Variants in SPOP observed in about 807,000 individuals in gnomAD.
The protein encoded by SPOP is speckle-type POZ protein.
A neutral mutation model predicts 45.6 loss-of-function variants in SPOP; 11 were observed. That is an observed-to-expected ratio of 0.24 (90% CI 0.15 to 0.40). The LOEUF is 0.40. SPOP is among the 10% of genes least tolerant of loss of function. The pLI, the probability that SPOP is intolerant of heterozygous loss-of-function variation, is 1.00. For missense variants in SPOP, 152 were observed against 465.6 expected, an observed-to-expected ratio of 0.33 and a Z score of 6.20; for synonymous variants, 166 against 166.3, an observed-to-expected ratio of 1.00 and a Z score of 0.01.
Position 49,599,614 on chromosome 17 carries a change from G to T in SPOP, c.*764C>A, listed in dbSNP as rs1178306820. 3 of 214,214 alleles carry T rather than the reference G, an allele frequency of 1.4e-5. No homozygotes were observed. Among genetic ancestry groups the T allele is most frequent in the Non-Finnish European group, 2.8e-5 (3 of 106,156 alleles). 13.3% of individuals were successfully genotyped at this position (214,214 alleles called of 1,614,324 possible). A position where few individuals can be genotyped will look rare whatever the true frequency, so the allele number is the denominator to read the frequency against. On this transcript the variant is annotated 3_prime_UTR_variant, in exon 10 of 10. Coordinates refer to ENST00000504102, the MANE Select transcript of SPOP (RefSeq NM_001007228.2). Reference sequence around the variant, plus strand: ...CAATATCTAAAAACAGAGAACCATAGTTCTTGTCAAGACAATATGAATTCT... The same window carrying T: ...CAATATCTAAAAACAGAGAACCATATTTCTTGTCAAGACAATATGAATTCT...
intron 1 of SPOP, among the ~76,000 whole-genome samples, chr17:49,624,350 C>T (rs1237704570): frequency 6.6e-6 from 1 of 151,978 alleles, no homozygotes; most frequent in Non-Finnish European, 1.5e-5. Context: ...CACACACACA[C>T]ACACACACAC....
At chr17:49,602,451 G>T (rs2071758150) in intron 8 of SPOP, 1 of 156,882 alleles carries the variant, frequency 6.4e-6, no homozygotes, top group Admixed American at 6.2e-5. Flanking sequence ...AAGGGTGAAA[G>T]AATTGGTGTC....
intron 1 of SPOP, among the ~76,000 whole-genome samples, chr17:49,665,754 C>A (rs905400471): frequency 6.7e-6 from 1 of 149,536 alleles, no homozygotes; most frequent in Non-Finnish European, 1.5e-5. Flanking sequence ...GAGGCTGAGG[C>A]GGGTGGATCA....
In SPOP at chr17:49,611,329, G is replaced by A. The variant is rs754270875; in HGVS notation, c.609C>T (p.Cys203=). 5 of 1,614,174 alleles carry A rather than the reference G, an allele frequency of 3.1e-6. No homozygotes were observed. Among genetic ancestry groups the A allele is most frequent in the Admixed American group, 1.7e-5 (1 of 60,028 alleles). ...LWENSRFTDC[C]LCVAGQEFQA... is the part of the protein sequence containing the mutation. ...GGAATTCCTGGCCGGCAACACACAAGCAGCAGTCTGTGAACCGGGAATTCT... is the reference window on the plus strand; with the variant it reads ...GGAATTCCTGGCCGGCAACACACAAACAGCAGTCTGTGAACCGGGAATTCT... The change falls in exon 6 of 10, where the codon TGC becomes TGT. Residue 203 remains cysteine (C), a synonymous_variant. Coordinates refer to ENST00000504102, the MANE Select transcript of SPOP (RefSeq NM_001007228.2).
At chr17:49,614,866 A>T (rs2143222188) in intron 5 of SPOP, among the ~76,000 whole-genome samples, 1 of 151,142 alleles carries the variant, frequency 6.6e-6, no homozygotes, top group South Asian at 2.1e-4. Flanking sequence ...AGTTTAAAAA[A>T]TTTAGAGACA....
intron 1 of SPOP, among the ~76,000 whole-genome samples, chr17:49,633,597 C>T (rs1016131095): frequency 1.3e-5 from 2 of 151,954 alleles, no homozygotes; most frequent in African/African-American, 4.8e-5. Flanking sequence ...ATTCCCTTGC[C>T]CTAGAAACTA....
At position 49,600,119 on chromosome 17, in the gene SPOP, C is replaced by G. The variant is rs2071712924; in HGVS notation, c.*259G>C. Reference sequence around the variant, plus strand: ...GGATATCCTCGGGCCAGCGCCTAAACTGAATCCCCACAGTATCAAACTCAG... The same window carrying G: ...GGATATCCTCGGGCCAGCGCCTAAAGTGAATCCCCACAGTATCAAACTCAG... On this transcript the variant is annotated 3_prime_UTR_variant, in exon 10 of 10. Coordinates refer to ENST00000504102, the MANE Select transcript of SPOP (RefSeq NM_001007228.2). The surrounding 1 kb of genome is among the most constrained non-coding windows in gnomAD (Gnocchi z 4.2). The G allele has an allele frequency of 2.0e-6, 1 of 490,028 alleles. No homozygotes were observed. Among genetic ancestry groups the G allele is most frequent in the Admixed American group, 3.3e-5 (1 of 30,768 alleles). 30.4% of individuals were successfully genotyped at this position (490,028 alleles called of 1,614,324 possible). A position where few individuals can be genotyped will look rare whatever the true frequency, so the allele number is the denominator to read the frequency against.
intron 6 of SPOP, among the ~76,000 whole-genome samples, chr17:49,610,614 A>G (rs981418853): frequency 1.3e-5 from 2 of 152,236 alleles, no homozygotes; most frequent in Non-Finnish European, 2.9e-5. Context: ...TGTGTACTTT[A>G]GAATGACGGA....
chr17:49,670,360 C>T (rs2073121338), intron 1 of SPOP, among the ~76,000 whole-genome samples: 1 of 152,210 alleles, frequency 6.6e-6, no homozygotes, highest in Admixed American at 6.5e-5. Context: ...ACACAAGAAA[C>T]AGGTGTGCTT....
chr17:49,609,991 A>T (rs1358224214), intron 6 of SPOP, among the ~76,000 whole-genome samples: 1 of 152,134 alleles, frequency 6.6e-6, no homozygotes, highest in Non-Finnish European at 1.5e-5. Context: ...AGGTGAGGTA[A>T]GAAGCAAGAG....
At chr17:49,618,914 A>C in intron 5 of SPOP, 67 bp downstream of exon 5, 1 of 1,529,270 alleles carries the variant, frequency 6.5e-7, no homozygotes, top group Non-Finnish European at 8.8e-7. Context: ...CTGATACAAT[A>C]TAATTAAGTC....
At chr17:49,626,589 G>A (rs1280395102) in intron 1 of SPOP, among the ~76,000 whole-genome samples, 1 of 152,020 alleles carries the variant, frequency 6.6e-6, no homozygotes, top group African/African-American at 2.4e-5. Context: ...CAGCTACTTG[G>A]GAGGTTGAGA....
chr17:49,648,820 G>A (rs560593203), intron 1 of SPOP, among the ~76,000 whole-genome samples: 12 of 152,182 alleles, frequency 7.9e-5, no homozygotes, highest in South Asian at 6.2e-4. Context: ...GTGCAGTGGC[G>A]GATCTCGACT....
intron 1 of SPOP, among the ~76,000 whole-genome samples, chr17:49,671,532 G>C (rs1271350017): frequency 6.6e-6 from 1 of 151,960 alleles, no homozygotes; most frequent in Non-Finnish European, 1.5e-5. Context: ...ATACAGGACA[G>C]TGTGAGCATC....
intron 5 of SPOP, among the ~76,000 whole-genome samples, chr17:49,613,869 A>T (rs2072027468): frequency 6.6e-6 from 1 of 152,214 alleles, no homozygotes; most frequent in Non-Finnish European, 1.5e-5. Context: ...AGAAAAACTA[A>T]AGATTTTTTT....
chr17:49,624,234 ATAC>A lies in SPOP; in HGVS notation c.-66-1361_-66-1359del, dbSNP rs201544532. On this transcript the variant is annotated intron_variant, in intron 1 of 9. Transcript: ENST00000504102. The stretch of plus-strand genomic sequence containing the variant: ...AGATCTACTGTACAACATGAGGGCT[ATAC>A]TTAATAATATCGTATTGTATAATGG... Among the ~76,000 whole-genome samples the A allele has an allele frequency of 9.4e-3, 1,431 of 152,202 alleles. 22 individuals carry two copies. Among genetic ancestry groups the A allele is most frequent in the African/African-American group, 0.033 (1,385 of 41,528 alleles).
intron 8 of SPOP, among the ~76,000 whole-genome samples, chr17:49,606,003 T>A (rs865958419): frequency 0.02 from 3,030 of 150,420 alleles, 112 homozygotes; most frequent in African/African-American, 0.07. Context: ...AAAAAAAAAA[T>A]AAACAAACAA....
intron 1 of SPOP, chr17:49,636,098 A>T (rs1231815032): frequency 5.3e-5 from 8 of 152,192 alleles, no homozygotes; most frequent in Non-Finnish European, 1.0e-4. Context: ...TCCTGAGCTC[A>T]AATTATCCGC....
At chr17:49,665,649 G>GACACACAC (rs71352530) in intron 1 of SPOP, among the ~76,000 whole-genome samples, 7,668 of 126,646 alleles carry the variant, frequency 0.061, 334 homozygotes, top group East Asian at 0.078. Flanking sequence ...TATATATACA[G>GACACACAC]ACACACACAC....
Sources: gnomAD v4.1 joint callset for allele counts (sites outside exome capture counted in the v4.1 genomes callset) on GRCh38, gnomAD v4.1.1 for gene constraint, Gnocchi (gnomAD v3.1) non-coding constraint, MANE v1.5 for transcripts, NCBI Gene and HGNC (gene_info 2026-07-23, HGNC 2026-07-21) for gene names.